TMCC3: variants seen among roughly 807,000 people sequenced by gnomAD.
TMCC3 encodes transmembrane and coiled-coil domain protein 3.
TMCC3 carries 28 observed loss-of-function variants against 40.2 expected under a neutral mutation model. The observed-to-expected ratio is 0.70, with a 90% CI of 0.52 to 0.95. TMCC3 has a LOEUF of 0.95. Ranked by LOEUF, TMCC3 falls within the 40% of genes least tolerant of loss-of-function variation. The pLI is 0.00. For synonymous variants in TMCC3, 255 were observed against 248.5 expected, an observed-to-expected ratio of 1.03 and a Z score of -0.25; for missense variants, 554 against 615.2, an observed-to-expected ratio of 0.90 and a Z score of 1.05.
chr12:94,606,082 A>G (rs900776531), intron 1 of TMCC3, among the ~76,000 whole-genome samples: 2 of 152,206 alleles, frequency 1.3e-5, no homozygotes, highest in African/African-American at 4.8e-5. Flanking sequence ...GAAAGCGTCA[A>G]TGCTAGACGC....
intron 1 of TMCC3, among the ~76,000 whole-genome samples, chr12:94,585,641 G>A (rs2068634149): frequency 6.6e-6 from 1 of 152,076 alleles, no homozygotes; most frequent in Non-Finnish European, 1.5e-5. Context: ...AGGTTGCAGT[G>A]AGCCATTGCA....
intron 1 of TMCC3, among the ~76,000 whole-genome samples, chr12:94,584,084 A>T (rs2068623240): frequency 6.6e-6 from 1 of 152,068 alleles, no homozygotes; most frequent in African/African-American, 2.4e-5. Context: ...CCACTAAGTG[A>T]TATGGTTTGG....
Position 94,571,644 on chromosome 12 carries a change from C to A in TMCC3, c.1225G>T (p.Val409Phe). 6.2e-7 allele frequency: 1 copy of A among 1,614,200 alleles called. No individual in the cohort carries two copies. The highest frequency in any genetic ancestry group is 1.1e-5 in the South Asian group (1 of 91,084). The stretch of plus-strand genomic sequence containing the variant: ...ACGTTGATGCACCTCCCCAGGAGAA[C>A]TTTAGCATTCACGGTGTCTGTCTGC... ...ALQTDTVNAK[V>F]LLGRCINVIL... The change falls in exon 4 of 4, where the codon GTT (valine) becomes TTT (phenylalanine). Residue 409 changes from valine to phenylalanine, a missense_variant. By Grantham distance (50) the Val-to-Phe change is conservative. Coordinates refer to ENST00000261226, the MANE Select transcript of TMCC3 (RefSeq NM_020698.4).
intron 1 of TMCC3, among the ~76,000 whole-genome samples, chr12:94,626,110 G>A (rs139081522): frequency 2.7e-3 from 413 of 152,290 alleles, no homozygotes; most frequent in Non-Finnish European, 4.6e-3. Context: ...AAGAGAGAAC[G>A]CATGTGTGAA....
intron 1 of TMCC3, among the ~76,000 whole-genome samples, chr12:94,629,669 A>G (rs1276352643): frequency 6.6e-6 from 1 of 152,220 alleles, no homozygotes; most frequent in Non-Finnish European, 1.5e-5. Flanking sequence ...CAAAGCTCTG[A>G]GGTATGAGCT....
intron 1 of TMCC3, among the ~76,000 whole-genome samples, chr12:94,632,067 CAT>C (rs914789709): frequency 6.6e-6 from 1 of 152,218 alleles, no homozygotes; most frequent in Admixed American, 6.5e-5. Flanking sequence ...CTGCGTATCA[CAT>C]GATTCCATTT....
At chr12:94,577,275 G>A (rs2068571178) in intron 3 of TMCC3, among the ~76,000 whole-genome samples, 1 of 152,020 alleles carries the variant, frequency 6.6e-6, no homozygotes, top group Non-Finnish European at 1.5e-5. Flanking sequence ...TGCAACCTCT[G>A]CCTCCCGGAT....
At chr12:94,576,059 TG>T (rs1200476235) in intron 3 of TMCC3, among the ~76,000 whole-genome samples, 1 of 152,222 alleles carries the variant, frequency 6.6e-6, no homozygotes, top group Non-Finnish European at 1.5e-5. Context: ...ATTATAGGCA[TG>T]AGCCACTGCA....
intron 1 of TMCC3, among the ~76,000 whole-genome samples, chr12:94,620,268 G>C (rs1173772513): frequency 6.6e-6 from 1 of 151,196 alleles, no homozygotes; most frequent in East Asian, 1.9e-4. Context: ...TTAGTACTGT[G>C]GAAATTTTTT....
At chr12:94,648,391 T>A (rs544026230) in intron 1 of TMCC3, among the ~76,000 whole-genome samples, 1 of 152,234 alleles carries the variant, frequency 6.6e-6, no homozygotes, top group African/African-American at 2.4e-5. Context: ...CACGCCCGGC[T>A]AATTTTTGTA....
At chr12:94,621,892 G>T (rs1356795629) in intron 1 of TMCC3, among the ~76,000 whole-genome samples, 2 of 152,158 alleles carry the variant, frequency 1.3e-5, no homozygotes, top group African/African-American at 4.8e-5. Context: ...CGCACCACTG[G>T]TTTAAAGGAT....
At chr12:94,608,836 T>A (rs1181184586) in intron 1 of TMCC3, among the ~76,000 whole-genome samples, 1 of 152,218 alleles carries the variant, frequency 6.6e-6, no homozygotes, top group Admixed American at 6.5e-5. Flanking sequence ...ACCTCCACCA[T>A]CTACTCTGCG....
intron 2 of TMCC3, among the ~76,000 whole-genome samples, chr12:94,580,664 G>A (rs939109483): frequency 1.3e-5 from 2 of 152,136 alleles, no homozygotes; most frequent in African/African-American, 4.8e-5. Flanking sequence ...GAAACCAGAA[G>A]GCAGAGGTTG....
chr12:94,587,662 G>C (rs921710567), intron 1 of TMCC3, among the ~76,000 whole-genome samples: 41 of 152,258 alleles, frequency 2.7e-4, no homozygotes, highest in African/African-American at 9.9e-4. Flanking sequence ...ACAAATGTTT[G>C]TTACTGTTAT....
At chr12:94,614,732 ACTTTTTT>A (rs1276770092) in intron 1 of TMCC3, among the ~76,000 whole-genome samples, 2 of 149,120 alleles carry the variant, frequency 1.3e-5, no homozygotes, top group Admixed American at 6.7e-5. Flanking sequence ...GGCCTCTCTG[ACTTTTTT>A]CTTTTTTTAA....
At chr12:94,591,852 G>A (rs1316143383) in intron 1 of TMCC3, among the ~76,000 whole-genome samples, 1 of 152,218 alleles carries the variant, frequency 6.6e-6, no homozygotes, top group Non-Finnish European at 1.5e-5. Context: ...CTTGCAAAAT[G>A]TCTAGCCAGA....
intron 1 of TMCC3, among the ~76,000 whole-genome samples, chr12:94,647,280 G>A (rs375112515): frequency 9.9e-5 from 15 of 152,232 alleles, no homozygotes; most frequent in Admixed American, 9.8e-4. Flanking sequence ...TTTCACTAAG[G>A]GGGGAGGGGT....
At chr12:94,643,111 G>A (rs970550744) in intron 1 of TMCC3, among the ~76,000 whole-genome samples, 10 of 152,100 alleles carry the variant, frequency 6.6e-5, no homozygotes, top group African/African-American at 2.4e-4. Context: ...GGAATCACTT[G>A]AACCTGAGCA....
chr12:94,620,719 A>G (rs2068871751), intron 1 of TMCC3, among the ~76,000 whole-genome samples: 1 of 152,222 alleles, frequency 6.6e-6, no homozygotes, highest in Non-Finnish European at 1.5e-5. Flanking sequence ...AACACGAACT[A>G]GAAAAACTAG....
Sources: gnomAD v4.1 joint callset for allele counts (sites outside exome capture counted in the v4.1 genomes callset) on GRCh38, gnomAD v4.1.1 for gene constraint, MANE v1.5 for transcripts, NCBI Gene and HGNC (gene_info 2026-07-23, HGNC 2026-07-21) for gene names.